Variants in TRPM3 observed in about 807,000 individuals in gnomAD.
TRPM3 encodes the protein transient receptor potential cation channel subfamily M member 3.
In TRPM3, 77 loss-of-function variants were observed where a neutral mutation model predicts 181.2. That is an observed-to-expected ratio of 0.42 (90% CI 0.35 to 0.51). The LOEUF (loss-of-function observed/expected upper bound fraction) is 0.51. Ranked by LOEUF, TRPM3 falls within the 20% of genes least tolerant of loss-of-function variation. The pLI is 0.01. For missense variants in TRPM3, 1,759 were observed against 2,196.7 expected, an observed-to-expected ratio of 0.80 and a Z score of 3.98; for synonymous variants, 745 against 796.4, an observed-to-expected ratio of 0.94 and a Z score of 1.09.
chr9:70,626,324 C>T (rs2064599033), intron 12 of TRPM3, among the ~76,000 whole-genome samples: 1 of 152,188 alleles, frequency 6.6e-6, no homozygotes, highest in South Asian at 2.1e-4. Flanking sequence ...GTAGCTCCTT[C>T]TTGCGGGAGA....
chr9:70,827,801 A>G, intron 6 of TRPM3, 46 bp downstream of exon 6: 1 of 1,590,932 alleles, frequency 6.3e-7, no homozygotes, highest in African/African-American at 1.3e-5. Flanking sequence ...ATTCACTTTC[A>G]GCATACCTCC....
chr9:70,999,176 C>G (rs142170248), intron 1 of TRPM3, among the ~76,000 whole-genome samples: 4 of 152,286 alleles, frequency 2.6e-5, no homozygotes, highest in African/African-American at 9.6e-5. Context: ...TGGCCTACCC[C>G]CTACAGGGCC....
intron 1 of TRPM3, among the ~76,000 whole-genome samples, chr9:71,195,698 G>A (rs1007413439): frequency 6.6e-6 from 1 of 152,064 alleles, no homozygotes; most frequent in Admixed American, 6.6e-5. Flanking sequence ...CAAAGATATA[G>A]TATCAACCTA....
At chr9:71,388,439 G>A (rs1243145113) in intron 1 of TRPM3, among the ~76,000 whole-genome samples, 1 of 152,014 alleles carries the variant, frequency 6.6e-6, no homozygotes. Context: ...CTTCTGAGAC[G>A]GAGCCTTAGT....
At chr9:71,323,008 G>A (rs2089381815) in intron 1 of TRPM3, among the ~76,000 whole-genome samples, 3 of 151,918 alleles carry the variant, frequency 2.0e-5, no homozygotes, top group Admixed American at 1.3e-4. Flanking sequence ...TTTGCCCTTT[G>A]TTAAATTTTA....
intron 1 of TRPM3, chr9:70,869,020 C>T (rs2095723440): frequency 2.0e-6 from 2 of 985,176 alleles, no homozygotes; most frequent in Non-Finnish European, 2.4e-6. Context: ...CAAAAGCAGT[C>T]CCCGGAGCAG....
chr9:70,678,792 C>CA (rs1252953212), intron 9 of TRPM3, among the ~76,000 whole-genome samples: 1 of 151,904 alleles, frequency 6.6e-6, no homozygotes, highest in Non-Finnish European at 1.5e-5. Flanking sequence ...ACGCATAATT[C>CA]AAAAAAAGTA....
At position 71,421,035 on chromosome 9, in the gene TRPM3, AAG is replaced by A. The variant is rs147829531; in HGVS notation, c.183+25616_183+25617del. 4.7e-3 allele frequency among the ~76,000 whole-genome samples: 590 copies of A among 125,076 alleles called. 14 individuals carry two copies. Among genetic ancestry groups the A allele is most frequent in the African/African-American group, 0.018 (566 of 30,714 alleles). 82.1% of individuals were successfully genotyped at this position (125,076 alleles called of 152,430 possible). On this transcript the variant is annotated intron_variant, in intron 1 of 24. Coordinates refer to the TRPM3 transcript ENST00000357533. ...AGAGAGAAAAAGAGAGAAAAAGAAAAAGAGAACGAACTCACGTCCTTTGCAGC... is the reference window on the plus strand; with the variant it reads ...AGAGAGAAAAAGAGAGAAAAAGAAAAAGAACGAACTCACGTCCTTTGCAGC...
intron 6 of TRPM3, among the ~76,000 whole-genome samples, chr9:70,798,855 G>A (rs566548664): frequency 3.3e-5 from 5 of 152,258 alleles, no homozygotes; most frequent in African/African-American, 9.6e-5. Context: ...CCTTAACTAC[G>A]GGGCCTCAGC....
chr9:70,570,302 GTTTTTTTTTT>G (rs142779238), intron 22 of TRPM3, among the ~76,000 whole-genome samples: 1 of 68,376 alleles, frequency 1.5e-5, no homozygotes, highest in African/African-American at 6.7e-5. Context: ...TATTACTAGA[GTTTTTTTTTT>G]TTTTTTTTTT....
chr9:71,152,075 A>C (rs1338650469), intron 1 of TRPM3, among the ~76,000 whole-genome samples: 1 of 152,170 alleles, frequency 6.6e-6, no homozygotes, highest in African/African-American at 2.4e-5. Context: ...AGTTTTTAAA[A>C]TCTGGACATA....
intron 8 of TRPM3, among the ~76,000 whole-genome samples, chr9:70,682,731 T>C (rs2065784362): frequency 6.6e-6 from 1 of 152,204 alleles, no homozygotes; most frequent in African/African-American, 2.4e-5. Context: ...GCATTTGTTT[T>C]CCAAGTCAGA....
At chr9:70,762,084 T>TTAACAGTACTATATAAATCTCC (rs1167164054) in intron 7 of TRPM3, among the ~76,000 whole-genome samples, 1 of 152,188 alleles carries the variant, frequency 6.6e-6, no homozygotes, top group Non-Finnish European at 1.5e-5. Context: ...AGTACTGTTC[T>TTAACAGTACTATATAAATCTCC]TAACAGTACT....
At chr9:70,792,784 G>GT (rs1432875388) in intron 6 of TRPM3, among the ~76,000 whole-genome samples, 2 of 152,100 alleles carry the variant, frequency 1.3e-5, no homozygotes, top group African/African-American at 2.4e-5. Context: ...GGGGTAGATA[G>GT]TTTTTTGCGT....
intron 1 of TRPM3, among the ~76,000 whole-genome samples, chr9:71,436,229 C>T (rs1222578057): frequency 7.2e-6 from 1 of 138,374 alleles, no homozygotes; most frequent in Non-Finnish European, 1.6e-5. Context: ...GGCCTCCCGC[C>T]TTGATTCTGA....
chr9:70,833,944 C>T (rs1314155676), intron 5 of TRPM3, among the ~76,000 whole-genome samples: 1 of 151,974 alleles, frequency 6.6e-6, no homozygotes, highest in African/African-American at 2.4e-5. Flanking sequence ...GGGAAGGAAC[C>T]TCTGCGTCTG....
chr9:71,354,910 G>A (rs748832815), intron 1 of TRPM3, among the ~76,000 whole-genome samples: 1 of 152,192 alleles, frequency 6.6e-6, no homozygotes, highest in Non-Finnish European at 1.5e-5. Context: ...TGTCCTTGTA[G>A]CTCCTTTTCC....
chr9:70,784,391 G>A, intron 6 of TRPM3, 112 bp from the exon 7 acceptor site: 1 of 1,195,904 alleles, frequency 8.4e-7, no homozygotes, highest in South Asian at 1.7e-5. Flanking sequence ...CTGAGCACGG[G>A]GGAGGTAGCA....
rs539502765 is a variant in TRPM3 at position 71,356,481 on chromosome 9, A to T, written c.183+90172T>A. 9.5e-4 allele frequency among the ~76,000 whole-genome samples: 145 copies of T among 152,288 alleles called. 1 individual carries two copies. Among genetic ancestry groups the T allele is most frequent in the South Asian group, 6.0e-3 (29 of 4,826 alleles). On this transcript the variant is annotated intron_variant, in intron 1 of 24. Coordinates refer to the TRPM3 transcript ENST00000357533. ...CTATGAGACTGTAAAATAGAGACGTAGTTAGGAGGATGGGCCTGAATTCAA... is the reference window on the plus strand; with the variant it reads ...CTATGAGACTGTAAAATAGAGACGTTGTTAGGAGGATGGGCCTGAATTCAA...
Sources: gnomAD v4.1 joint callset for allele counts (sites outside exome capture counted in the v4.1 genomes callset) on GRCh38, gnomAD v4.1.1 for gene constraint, MANE v1.5 for transcripts, NCBI Gene and HGNC (gene_info 2026-07-23, HGNC 2026-07-21) for gene names.